The following MED14 variants were observed in gnomAD, a reference collection of about 807,000 sequenced individuals.
MED14 encodes mediator of RNA polymerase II transcription subunit 14.
A neutral mutation model predicts 109.0 loss-of-function variants in MED14; 8 were observed. The ratio of observed to expected loss-of-function variants is 0.07; its 90% confidence interval spans 0.04 to 0.13. The LOEUF (loss-of-function observed/expected upper bound fraction) is 0.13, where lower values mean the gene tolerates loss of function less well. Ranked by LOEUF, MED14 falls within the 10% of genes least tolerant of loss-of-function variation. MED14 has a pLI of 1.00. For synonymous variants in MED14, 399 were observed against 408.7 expected, an observed-to-expected ratio of 0.98 and a Z score of 0.29; for missense variants, 711 against 1,142.4, an observed-to-expected ratio of 0.62 and a Z score of 5.44.
chrX:40,682,451 T>C (rs1192150858), intron 18 of MED14, 152 bp downstream of exon 18: 10 of 482,117 alleles, frequency 2.1e-5, no homozygotes, highest in Non-Finnish European at 3.0e-5. Flanking sequence ...GGGAAGGAAA[T>C]TGAAGTCTGA....
chrX:40,731,269 T>C (rs1932073064), intron 1 of MED14, among the ~76,000 whole-genome samples: 1 of 110,885 alleles, frequency 9.0e-6, no homozygotes, highest in Non-Finnish European at 1.9e-5. Flanking sequence ...CCCAGAAATC[T>C]GAGACCAAAA....
chrX:40,731,172 C>G (rs192662400), intron 1 of MED14, among the ~76,000 whole-genome samples: 64 of 107,882 alleles, frequency 5.9e-4, no homozygotes, highest in African/African-American at 2.0e-3. Flanking sequence ...GAACCTAGGT[C>G]TCTAAAAAGT....
intron 10 of MED14, among the ~76,000 whole-genome samples, chrX:40,708,809 A>T (rs1931237777): frequency 8.9e-6 from 1 of 111,806 alleles, no homozygotes; most frequent in African/African-American, 3.2e-5. Flanking sequence ...TAATTTTTAA[A>T]AATTTTTTAA....
intron 23 of MED14, among the ~76,000 whole-genome samples, chrX:40,670,141 G>C (rs1166773801): frequency 1.8e-5 from 2 of 112,139 alleles, no homozygotes; most frequent in East Asian, 5.6e-4. Flanking sequence ...CATGGTGGGG[G>C]TGGGATCTGC....
chrX:40,657,798 T>C (rs775142472), intron 28 of MED14, among the ~76,000 whole-genome samples: 9 of 111,622 alleles, frequency 8.1e-5, no homozygotes, highest in South Asian at 7.4e-4. Context: ...GACTGACTGA[T>C]TGATTTTTTT....
intron 24 of MED14, among the ~76,000 whole-genome samples, chrX:40,665,800 C>T (rs1300141653): frequency 8.9e-6 from 1 of 111,801 alleles, no homozygotes; most frequent in Non-Finnish European, 1.9e-5. Context: ...TACAACAATT[C>T]CACTTCTGGA....
chrX:40,678,251 A>G (rs1041890820), intron 21 of MED14, among the ~76,000 whole-genome samples: 1 of 111,925 alleles, frequency 8.9e-6, no homozygotes, highest in Non-Finnish European at 1.9e-5. Flanking sequence ...TCAGAGGCCT[A>G]TTGAAGAGAT....
chrX:40,694,089 G>A (rs931253554), intron 13 of MED14, among the ~76,000 whole-genome samples: 2 of 111,059 alleles, frequency 1.8e-5, no homozygotes, highest in Non-Finnish European at 3.8e-5. Flanking sequence ...ATTAGAGGTG[G>A]GGTTTTGCCA....
intron 3 of MED14, among the ~76,000 whole-genome samples, chrX:40,721,686 A>G (rs1389918608): frequency 8.9e-6 from 1 of 112,329 alleles, no homozygotes; most frequent in East Asian, 2.8e-4. Flanking sequence ...GGTTACACTG[A>G]GCCTTGGGCA....
intron 28 of MED14, among the ~76,000 whole-genome samples, chrX:40,657,826 C>T (rs1057354880): frequency 1.8e-5 from 2 of 112,027 alleles, no homozygotes; most frequent in Non-Finnish European, 3.8e-5. Flanking sequence ...TAGTCTCACT[C>T]GGTCGTCCAG....
chrX:40,672,666 T>C (rs778711797), intron 22 of MED14, among the ~76,000 whole-genome samples: 7 of 112,168 alleles, frequency 6.2e-5, no homozygotes, highest in Admixed American at 1.9e-4. Flanking sequence ...CAAATAATGT[T>C]TGAATACCTT....
intron 1 of MED14, among the ~76,000 whole-genome samples, chrX:40,730,943 G>A (rs995542441): frequency 9.3e-6 from 1 of 108,089 alleles, no homozygotes; most frequent in Non-Finnish European, 1.9e-5. Context: ...TTGAGTCCGG[G>A]AGTTTGGGAC....
chrX:40,650,653 A>G lies in MED14; in HGVS notation c.*1153T>C. The G allele has an allele frequency of 1.3e-6, 1 of 753,527 alleles. No homozygotes were observed. The highest frequency in any genetic ancestry group is 1.6e-6 in the Non-Finnish European group (1 of 639,160). The allele number at this position is 753,527 out of a possible 1,213,427, so 62.1% of individuals were successfully genotyped here. Reference sequence around the variant, plus strand: ...CTGCAGAGATGTATTAATACCAAAAACTCCATTTGACCCTGGACAGGCCCA... The same window carrying G: ...CTGCAGAGATGTATTAATACCAAAAGCTCCATTTGACCCTGGACAGGCCCA... On this transcript the variant is annotated 3_prime_UTR_variant, in exon 31 of 31. Transcript: ENST00000324817.
chrX:40,730,607 G>A (rs889012161), intron 1 of MED14, among the ~76,000 whole-genome samples: 3 of 111,304 alleles, frequency 2.7e-5, no homozygotes, highest in Non-Finnish European at 3.8e-5. Flanking sequence ...TCATGTCAGC[G>A]GTAGTATCAG....
rs757197420 is a variant in MED14 at position 40,681,907 on chromosome X, C to T, written c.2402G>A (p.Arg801His). 4 of 1,150,005 alleles carry T rather than the reference C, an allele frequency of 3.5e-6. No homozygotes were observed. Among genetic ancestry groups the T allele is most frequent in the South Asian group, 2.0e-5 (1 of 48,798 alleles). 94.8% of individuals were successfully genotyped at this position (1,150,005 alleles called of 1,213,427 possible). A position where few individuals can be genotyped will look rare whatever the true frequency, so the allele number is the denominator to read the frequency against. The change falls in exon 19 of 31, where the codon CGT (arginine) becomes CAT (histidine). Residue 801 changes from arginine to histidine, a missense_variant. By Grantham distance (29) the Arg-to-His change is conservative. Transcript: ENST00000324817. ...PAHLNIFSEV[R>H]VYNYRKLILC... ...GATAAGTTTTCGGTAATTATAAACACGAACTTCTGAGAAAATATTTAGATG... is the reference window on the plus strand; with the variant it reads ...GATAAGTTTTCGGTAATTATAAACATGAACTTCTGAGAAAATATTTAGATG...
At position 40,650,715 on chromosome X, in the gene MED14, G is replaced by A. The variant is rs2146600466; in HGVS notation, c.*1091C>T. The A allele has an allele frequency of 1.3e-6, 1 of 754,137 alleles. No homozygotes were observed. Among genetic ancestry groups the A allele is most frequent in the African/African-American group, 2.3e-5 (1 of 43,758 alleles). 62.1% of individuals were successfully genotyped at this position (754,137 alleles called of 1,213,427 possible). On this transcript the variant is annotated 3_prime_UTR_variant, in exon 31 of 31. Transcript: ENST00000324817. ...TCTTCACAATGAGGGGAATGGACCAGGTTTCTTCCAAGCAAAACATTCTAT... is the reference window on the plus strand; with the variant it reads ...TCTTCACAATGAGGGGAATGGACCAAGTTTCTTCCAAGCAAAACATTCTAT...
chrX:40,728,371 T>G (rs779470467), intron 2 of MED14, among the ~76,000 whole-genome samples: 26 of 111,443 alleles, frequency 2.3e-4, no homozygotes, highest in African/African-American at 8.5e-4. Context: ...GACTTAACGT[T>G]TTCCTCCTTT....
intron 24 of MED14, 148 bp downstream of exon 24, chrX:40,666,572 G>C (rs1220486487): frequency 3.5e-5 from 21 of 598,324 alleles, no homozygotes; most frequent in Non-Finnish European, 5.6e-5. Flanking sequence ...GGTGGGATTA[G>C]ATAAATTTGA....
intron 1 of MED14, among the ~76,000 whole-genome samples, chrX:40,731,604 T>C (rs1186195143): frequency 8.9e-6 from 1 of 112,550 alleles, no homozygotes; most frequent in Non-Finnish European, 1.9e-5. Flanking sequence ...TTTTTATTGA[T>C]GCATTAAGCA....
Sources: gnomAD v4.1 joint callset for allele counts (sites outside exome capture counted in the v4.1 genomes callset) on GRCh38, gnomAD v4.1.1 for gene constraint, MANE v1.5 for transcripts, NCBI Gene and HGNC (gene_info 2026-07-23, HGNC 2026-07-21) for gene names.